STS: variants seen among roughly 807,000 people sequenced by gnomAD.
STS encodes steryl-sulfatase.
A neutral mutation model predicts 26.8 loss-of-function variants in STS; 7 were observed. The observed-to-expected ratio is 0.26, with a 90% CI of 0.15 to 0.49. The LOEUF (loss-of-function observed/expected upper bound fraction) is 0.49, where lower values mean the gene tolerates loss of function less well. STS is among the 20% of genes least tolerant of loss of function. The probability of loss-of-function intolerance (pLI) is 0.98; values close to 1 mark genes in which losing one functional copy is unlikely to be tolerated. For synonymous variants in STS, 199 were observed against 189.4 expected (o/e 1.05, Z -0.42); for missense variants, 434 against 465.6 (o/e 0.93, Z 0.63).
At chrX:7,162,785 G>A (rs963738958) in intron 1 of STS, among the ~76,000 whole-genome samples, 1 of 105,583 alleles carries the variant, frequency 9.5e-6, no homozygotes, top group Admixed American at 1.0e-4. Context: ...AGTGGCTCAC[G>A]CCTGTAATCC....
At chrX:7,266,903 A>G (rs1186938504) in intron 6 of STS, among the ~76,000 whole-genome samples, 2 of 112,055 alleles carry the variant, frequency 1.8e-5, no homozygotes, top group African/African-American at 6.5e-5. Context: ...CTGTGGATAC[A>G]CACATTGTTT....
rs985822829 is a variant in STS, at chrX:7,238,907, G to A, written c.-4-14289G>A. Among the ~76,000 whole-genome samples the A allele has an allele frequency of 8.1e-5, 9 of 111,080 alleles. No individual in the cohort carries two copies. The Admixed American group carries it at 8.6e-4, about 11-fold the overall frequency. ...AGAATCTTCACACATGCAACACTTAGTGTGTCTTCACTAAGTGAAGACTTC... is the reference window on the plus strand; with the variant it reads ...AGAATCTTCACACATGCAACACTTAATGTGTCTTCACTAAGTGAAGACTTC... On this transcript the variant is annotated intron_variant, in intron 2 of 10. Coordinates refer to ENST00000674429, the MANE Select transcript of STS (RefSeq NM_001320752.2).
chrX:7,282,789 T>G (rs1469878028), intron 7 of STS, among the ~76,000 whole-genome samples: 2 of 112,161 alleles, frequency 1.8e-5, no homozygotes, highest in East Asian at 5.6e-4. Context: ...GTGCCTGATA[T>G]TTGCAAAGCC....
intron 8 of STS, among the ~76,000 whole-genome samples, chrX:7,312,278 A>G (rs1242660169): frequency 9.0e-6 from 1 of 111,598 alleles, no homozygotes; most frequent in Non-Finnish European, 1.9e-5. Flanking sequence ...TCCCTGGACC[A>G]CCAAATCAAA....
chrX:7,167,877 A>G (rs1342065924), intron 1 of STS, among the ~76,000 whole-genome samples: 1 of 108,915 alleles, frequency 9.2e-6, no homozygotes, highest in African/African-American at 3.4e-5. Context: ...AAGTTTTTGT[A>G]GATACAGGGT....
chrX:7,201,164 TGATA>T lies in STS; in HGVS notation c.-5+10162_-5+10165del, dbSNP rs770875075. ...ATAGGCAGACAGATATGTAGATAGA[TGATA>T]GATAGGTGGATGGATGGACAGATAA... On this transcript the variant is annotated intron_variant, in intron 2 of 10. Transcript: ENST00000674429. Among the ~76,000 whole-genome samples, 87 of 111,079 alleles carry T rather than the reference TGATA, an allele frequency of 7.8e-4. 1 individual carries two copies. In the South Asian group the frequency reaches 0.012, roughly 15 times the overall value.
At chrX:7,203,980 T>C (rs1309846503) in intron 2 of STS, among the ~76,000 whole-genome samples, 1 of 111,177 alleles carries the variant, frequency 9.0e-6, no homozygotes, top group African/African-American at 3.3e-5. Context: ...AGATGGGGTC[T>C]TGCCATCTTG....
In STS at chrX:7,304,901, A is replaced by T. The variant is rs138884216; in HGVS notation, c.944-145A>T. The T allele has an allele frequency of 7.6e-4, 513 of 673,857 alleles. 1 individual carries two copies. Among genetic ancestry groups the T allele is most frequent in the African/African-American group, 7.4e-3 (344 of 46,507 alleles). The allele number at this position is 673,857 out of a possible 1,213,427, so 55.5% of individuals were successfully genotyped here. A position where few individuals can be genotyped will look rare whatever the true frequency, so the allele number is the denominator to read the frequency against. On this transcript the variant is annotated intron_variant, in intron 7 of 10. Coordinates refer to ENST00000674429, the MANE Select transcript of STS (RefSeq NM_001320752.2). ...GCCAGCCACAGCCAGTCTTGATTGC[A>T]TCACGTCTCATGCTGGGATAAACTC...
intron 7 of STS, among the ~76,000 whole-genome samples, chrX:7,298,989 A>G (rs1368846385): frequency 2.1e-5 from 2 of 93,465 alleles, no homozygotes; most frequent in Non-Finnish European, 4.1e-5. Flanking sequence ...TATTAATATT[A>G]TATAAAATAA....
intron 7 of STS, among the ~76,000 whole-genome samples, chrX:7,279,339 ATGTGTGTGTGTGTGTGTG>A (rs1199607828): frequency 2.4e-5 from 1 of 42,323 alleles, no homozygotes; most frequent in East Asian, 7.9e-4. Context: ...GTGTGTGTGT[ATGTGTGTGTGTGTGTGTG>A]TATATGTGTG....
In STS at chrX:7,258,267, G is replaced by GGATAGATAGATA. The variant is rs55667371; in HGVS notation, c.382+699_382+710dup. Among the ~76,000 whole-genome samples the GGATAGATAGATA allele has an allele frequency of 2.8e-3, 291 of 102,173 alleles. 1 individual carries two copies. Among genetic ancestry groups the GGATAGATAGATA allele is most frequent in the African/African-American group, 6.4e-3 (179 of 27,878 alleles). The allele number at this position is 102,173 out of a possible 115,157, so 88.7% of individuals were successfully genotyped here. ...ATGATGATAGATATGATAGATGGTT[G>GGATAGATAGATA]GATAGATAGATAGATAGATAGATAG... On this transcript the variant is annotated intron_variant, in intron 5 of 10. Coordinates refer to ENST00000674429, the MANE Select transcript of STS (RefSeq NM_001320752.2).
At chrX:7,254,773 T>A (rs1441695864) in intron 3 of STS, among the ~76,000 whole-genome samples, 1 of 109,273 alleles carries the variant, frequency 9.2e-6, no homozygotes, top group Non-Finnish European at 1.9e-5. Flanking sequence ...TTTGAAGAGA[T>A]GGGGTTTCAC....
intron 2 of STS, among the ~76,000 whole-genome samples, chrX:7,230,124 G>A (rs1248807375): frequency 9.0e-6 from 1 of 110,746 alleles, no homozygotes; most frequent in Non-Finnish European, 1.9e-5. Flanking sequence ...CTGGCCTCAA[G>A]CAGTCCTCTC....
chrX:7,293,501 A>G (rs1169512267), intron 7 of STS, among the ~76,000 whole-genome samples: 1 of 111,986 alleles, frequency 8.9e-6, no homozygotes, highest in Non-Finnish European at 1.9e-5. Context: ...TATGTGCTGT[A>G]GTCAGAATAT....
chrX:7,275,837 A>G lies in STS; in HGVS notation c.807-114A>G. On this transcript the variant is annotated intron_variant, in intron 6 of 10. Coordinates refer to ENST00000674429, the MANE Select transcript of STS (RefSeq NM_001320752.2). ...GGCAATTAACTTGTAATATTTTGTG[A>G]ATTTTCAAATAGCCTGCTATGATAA... is the stretch of plus-strand genomic sequence containing the variant. The G allele has an allele frequency of 3.2e-6, 3 of 941,359 alleles. No individual in the cohort carries two copies. The South Asian group carries it at 6.6e-5, about 21-fold the overall frequency. 77.6% of individuals were successfully genotyped at this position (941,359 alleles called of 1,213,427 possible).
Position 7,191,340 on chromosome X carries a change from G to A in STS, c.-5+332G>A, listed in dbSNP as rs1003799779. 3.6e-5 allele frequency among the ~76,000 whole-genome samples: 4 copies of A among 111,977 alleles called. No individual in the cohort carries two copies. The Admixed American group carries it at 3.8e-4, about 11-fold the overall frequency. Reference sequence around the variant, plus strand: ...TATGTGGCAAGTCTAGAGGAATATAGGTATGGGGGCTTACAAATGATTTAA... The same window carrying A: ...TATGTGGCAAGTCTAGAGGAATATAAGTATGGGGGCTTACAAATGATTTAA... On this transcript the variant is annotated intron_variant, in intron 2 of 10. Transcript: ENST00000674429.
At chrX:7,191,528 C>T (rs1933872087) in intron 2 of STS, among the ~76,000 whole-genome samples, 1 of 112,307 alleles carries the variant, frequency 8.9e-6, no homozygotes, top group Admixed American at 9.4e-5. Context: ...AGAGCTCCTC[C>T]GCCTGGTGGA....
chrX:7,273,561 G>T (rs1174993420), intron 6 of STS, among the ~76,000 whole-genome samples: 1 of 111,906 alleles, frequency 8.9e-6, no homozygotes, highest in African/African-American at 3.3e-5. Flanking sequence ...GCTCAGAGAG[G>T]CCAAGAACAA....
chrX:7,192,244 T>TG (rs1933887583), intron 2 of STS, among the ~76,000 whole-genome samples: 1 of 112,008 alleles, frequency 8.9e-6, no homozygotes, highest in Admixed American at 9.4e-5. Context: ...CACCTCTTCC[T>TG]GCCTTAGTTT....
Sources: allele counts gnomAD v4.1 joint callset (sites outside exome capture counted in the v4.1 genomes callset), GRCh38; gene constraint gnomAD v4.1.1; transcripts MANE v1.5; gene names NCBI Gene and HGNC (gene_info 2026-07-23, HGNC 2026-07-21).